TRMT11: variants seen among roughly 807,000 people sequenced by gnomAD.
The protein encoded by TRMT11 is tRNA (guanine(10)-N(2))-methyltransferase TRMT11.
TRMT11 carries 53 observed loss-of-function variants against 62.8 expected under a neutral mutation model. The ratio of observed to expected loss-of-function variants is 0.84; its 90% CI spans 0.68 to 1.06. TRMT11 has a LOEUF of 1.06. TRMT11 is among the 50% of genes least tolerant of loss of function. TRMT11 has a pLI of 0.00. For missense variants in TRMT11, 556 were observed against 553.4 expected, an observed-to-expected ratio of 1.00 and a Z score of -0.05; for synonymous variants, 188 against 190.3, an observed-to-expected ratio of 0.99 and a Z score of 0.10.
At chr6:126,092,089 G>A (rs1253117962) in intron 17 of TRMT11, among the ~76,000 whole-genome samples, 1 of 152,158 alleles carries the variant, frequency 6.6e-6, no homozygotes, top group African/African-American at 2.4e-5. Flanking sequence ...GGCCAGTTAA[G>A]GTAGTTATTC....
the TRMT11 span, among the ~76,000 whole-genome samples, chr6:126,213,288 T>A: frequency 6.6e-6 from 1 of 152,132 alleles, no homozygotes; most frequent in Non-Finnish European, 1.5e-5. Context: ...TTAGGGCTTT[T>A]CTTTTTCTAT....
At chr6:126,121,381 A>G (rs1407299350) in intron 21 of TRMT11, among the ~76,000 whole-genome samples, 1 of 152,154 alleles carries the variant, frequency 6.6e-6, no homozygotes, top group Non-Finnish European at 1.5e-5. Context: ...ATCTTTCTAG[A>G]ATAAACTATT....
chr6:126,018,604 C>T (rs568196999), intron 11 of TRMT11, among the ~76,000 whole-genome samples: 5 of 151,846 alleles, frequency 3.3e-5, no homozygotes, highest in South Asian at 4.2e-4. Flanking sequence ...TCCTCACCCC[C>T]GAGAAGTACC....
intron 3 of TRMT11, among the ~76,000 whole-genome samples, chr6:125,997,526 A>G (rs1211885510): frequency 3.9e-5 from 6 of 152,270 alleles, no homozygotes; most frequent in Admixed American, 2.0e-4. Flanking sequence ...ACGCACATGC[A>G]TGACAGAGTA....
At chr6:126,167,219 C>T (rs1192353064) in intron 21 of TRMT11, among the ~76,000 whole-genome samples, 1 of 152,196 alleles carries the variant, frequency 6.6e-6, no homozygotes. Flanking sequence ...CAGTTTTGTG[C>T]TTGAAACCCA....
At chr6:126,074,617 TA>T (rs1776958655) in intron 17 of TRMT11, among the ~76,000 whole-genome samples, 1 of 152,220 alleles carries the variant, frequency 6.6e-6, no homozygotes, top group Admixed American at 6.5e-5. Context: ...ATTCTTAGTG[TA>T]AAATATCTTT....
At chr6:126,025,000 G>A (rs959398806) in intron 12 of TRMT11, among the ~76,000 whole-genome samples, 47 of 152,112 alleles carry the variant, frequency 3.1e-4, no homozygotes, top group Non-Finnish European at 1.5e-4. Context: ...GTTTTAAGTC[G>A]TGATATTAGA....
chr6:126,034,475 C>T (rs1774807860), intron 12 of TRMT11, among the ~76,000 whole-genome samples: 2 of 152,136 alleles, frequency 1.3e-5, no homozygotes, highest in South Asian at 4.2e-4. Flanking sequence ...ATGGCTAGCA[C>T]AAATTTACCT....
chr6:126,069,208 A>T lies in TRMT11; in HGVS notation c.*1437+16018A>T, dbSNP rs1049532495. Among the ~76,000 whole-genome samples, 55 of 152,214 alleles carry T rather than the reference A, an allele frequency of 3.6e-4. 1 individual carries two copies. The highest frequency in any genetic ancestry group is 1.3e-3 in the African/African-American group (52 of 41,456). On this transcript the variant is annotated intron_variant and NMD_transcript_variant, in intron 17 of 22. Transcript: ENST00000648977. The stretch of plus-strand genomic sequence containing the variant: ...ACTAAGCACACAGCTGAACCAGGCC[A>T]TAAATGTTGGGCCACATGCTACAAC...
At chr6:126,045,872 G>T (rs1198687156) in intron 16 of TRMT11, among the ~76,000 whole-genome samples, 1 of 152,236 alleles carries the variant, frequency 6.6e-6, no homozygotes, top group East Asian at 1.9e-4. Flanking sequence ...TGTCATGCCA[G>T]ACTTAATATC....
At chr6:126,134,642 A>G (rs574043936) in intron 21 of TRMT11, among the ~76,000 whole-genome samples, 3 of 152,020 alleles carry the variant, frequency 2.0e-5, no homozygotes, top group South Asian at 2.1e-4. Flanking sequence ...GATTAAATGG[A>G]CTTAACATAC....
At chr6:126,042,840 T>A (rs770919912), downstream of TRMT11, among the ~76,000 whole-genome samples, 6 of 152,160 alleles carry the variant, frequency 3.9e-5, no homozygotes, top group Non-Finnish European at 5.9e-5. Flanking sequence ...ATATTGGAGT[T>A]GTGCTTTGAT....
At chr6:126,022,556 C>T (rs1795983923) in intron 12 of TRMT11, among the ~76,000 whole-genome samples, 2 of 152,308 alleles carry the variant, frequency 1.3e-5, no homozygotes, top group South Asian at 4.1e-4. Flanking sequence ...TGTTCACAGT[C>T]TCCTAAATGA....
At chr6:126,128,481 T>C (rs1461403800) in intron 21 of TRMT11, among the ~76,000 whole-genome samples, 1 of 152,114 alleles carries the variant, frequency 6.6e-6, no homozygotes, top group Non-Finnish European at 1.5e-5. Context: ...CCCAGAGTCT[T>C]CTCTAATCTT....
At chr6:126,063,150 CTTTAT>C (rs1040027102) in intron 17 of TRMT11, among the ~76,000 whole-genome samples, 2 of 151,894 alleles carry the variant, frequency 1.3e-5, no homozygotes, top group African/African-American at 4.8e-5. Context: ...AGTAGTTTTG[CTTTAT>C]TTTATTTTAT....
intron 1 of TRMT11, chr6:126,198,791 A>G (rs971811795): frequency 2.6e-5 from 4 of 152,170 alleles, no homozygotes; most frequent in African/African-American, 9.7e-5. Flanking sequence ...CTCTATGTAT[A>G]TTTTCAGGGT....
chr6:126,269,111 A>G, the TRMT11 span, among the ~76,000 whole-genome samples: 1 of 150,822 alleles, frequency 6.6e-6, no homozygotes, highest in South Asian at 2.1e-4. Flanking sequence ...AAAATACAAA[A>G]AAATTAGCCG....
Position 125,998,542 on chromosome 6 carries a change from T to A in TRMT11, c.388-8T>A. The A allele has an allele frequency of 6.2e-7, 1 of 1,605,276 alleles. No homozygotes were observed. Among genetic ancestry groups the A allele is most frequent in the East Asian group, 2.2e-5 (1 of 44,768 alleles). On this transcript the variant is annotated splice_region_variant and splice_polypyrimidine_tract_variant and intron_variant, in intron 5 of 12. Coordinates refer to ENST00000334379, the MANE Select transcript of TRMT11 (RefSeq NM_001031712.3). ...ATAAGACATCAGCATTTCTTTTGTT[T>A]CTTTTAGGCACTTGAATTTCTGCCA...
At chr6:126,248,413 A>G in the TRMT11 span, among the ~76,000 whole-genome samples, 4 of 152,274 alleles carry the variant, frequency 2.6e-5, no homozygotes, top group South Asian at 6.2e-4. Flanking sequence ...TTTGTATTGT[A>G]TCTTCACCTT....
Sources: allele counts gnomAD v4.1 joint callset (sites outside exome capture counted in the v4.1 genomes callset), GRCh38; gene constraint gnomAD v4.1.1; transcripts MANE v1.5; gene names NCBI Gene and HGNC (gene_info 2026-07-23, HGNC 2026-07-21).